Variants in NRXN3 observed in about 807,000 individuals in gnomAD.
NRXN3 encodes the protein neurexin III.
NRXN3 carries 32 observed loss-of-function variants against 137.6 expected under a neutral mutation model. That is an observed-to-expected ratio of 0.23 (90% confidence interval 0.18 to 0.31). The LOEUF (loss-of-function observed/expected upper bound fraction) is 0.31. Among genes scored for constraint, NRXN3 ranks in the 10% least tolerant of loss-of-function variants. The probability of loss-of-function intolerance (pLI) is 1.00; values close to 1 mark genes in which losing one functional copy is unlikely to be tolerated. For missense variants in NRXN3, 1,574 were observed against 2,062.5 expected (o/e 0.76, Z 4.59); for synonymous variants, 798 against 784.5 (o/e 1.02, Z -0.29).
At chr14:78,780,886 C>T (rs752130918) in intron 8 of NRXN3, among the ~76,000 whole-genome samples, 6 of 152,262 alleles carry the variant, frequency 3.9e-5, no homozygotes, top group South Asian at 2.1e-4. Context: ...CTTTGAAATA[C>T]AATTTAGCAT....
At chr14:78,879,821 A>AT (rs1567594300) in intron 10 of NRXN3, among the ~76,000 whole-genome samples, 1 of 151,964 alleles carries the variant, frequency 6.6e-6, no homozygotes, top group African/African-American at 2.4e-5. Context: ...CAGTATATCA[A>AT]TTTTTTTCCA....
intron 4 of NRXN3, among the ~76,000 whole-genome samples, chr14:78,638,137 A>G (rs2097582557): frequency 6.6e-6 from 1 of 152,190 alleles, no homozygotes; most frequent in Non-Finnish European, 1.5e-5. Context: ...ATCACTTTCA[A>G]GAAGCATCTG....
chr14:79,551,884 T>C (rs898438480), intron 16 of NRXN3, among the ~76,000 whole-genome samples: 1 of 152,172 alleles, frequency 6.6e-6, no homozygotes, highest in Non-Finnish European at 1.5e-5. Context: ...CAGAAGAAGC[T>C]ACAGTACCAA....
intron 15 of NRXN3, among the ~76,000 whole-genome samples, chr14:79,461,022 T>C (rs1012615412): frequency 6.6e-6 from 1 of 152,174 alleles, no homozygotes; most frequent in African/African-American, 2.4e-5. Flanking sequence ...CAATAAATAA[T>C]TTGCAGAGCT....
intron 15 of NRXN3, among the ~76,000 whole-genome samples, chr14:79,078,882 T>A (rs2046409894): frequency 1.3e-5 from 2 of 152,114 alleles, no homozygotes; most frequent in South Asian, 4.1e-4. Context: ...TATAAGCCCC[T>A]TCCAGCCCTA....
chr14:78,277,987 T>A (rs1026763420), intron 2 of NRXN3, among the ~76,000 whole-genome samples: 1 of 152,158 alleles, frequency 6.6e-6, no homozygotes, highest in Non-Finnish European at 1.5e-5. Context: ...GATTTCAATT[T>A]GTTTGATGAA....
At chr14:79,041,607 A>T (rs949996286) in intron 15 of NRXN3, among the ~76,000 whole-genome samples, 8 of 152,194 alleles carry the variant, frequency 5.3e-5, no homozygotes, top group African/African-American at 1.9e-4. Flanking sequence ...TTATTATAAA[A>T]ATACCTGAAT....
At chr14:78,591,637 T>G (rs1600971483) in intron 4 of NRXN3, among the ~76,000 whole-genome samples, 1 of 152,206 alleles carries the variant, frequency 6.6e-6, no homozygotes, top group East Asian at 1.9e-4. Flanking sequence ...ACCTTGTTCT[T>G]CCTTAGAGTA....
At chr14:79,690,463 C>G (rs1159128181) in intron 17 of NRXN3, among the ~76,000 whole-genome samples, 1 of 151,938 alleles carries the variant, frequency 6.6e-6, no homozygotes, top group Non-Finnish European at 1.5e-5. Context: ...TTAAATTATC[C>G]ACTGCAGTTC....
At chr14:78,279,733 G>T (rs2074135318) in intron 3 of NRXN3, 1 of 152,148 alleles carries the variant, frequency 6.6e-6, no homozygotes, top group Non-Finnish European at 1.5e-5. Context: ...AGTGATTAAA[G>T]ATTTTGTAAG....
At chr14:79,079,305 T>C (rs964017811) in intron 15 of NRXN3, among the ~76,000 whole-genome samples, 12 of 152,254 alleles carry the variant, frequency 7.9e-5, no homozygotes, top group African/African-American at 2.6e-4. Flanking sequence ...ATTAGAAAAC[T>C]GTCATAGTAA....
intron 4 of NRXN3, among the ~76,000 whole-genome samples, chr14:78,422,160 C>T (rs2093473393): frequency 6.6e-6 from 1 of 152,160 alleles, no homozygotes; most frequent in African/African-American, 2.4e-5. Context: ...GCACTTCTGC[C>T]TTTCTCCTGG....
intron 1 of NRXN3, among the ~76,000 whole-genome samples, chr14:78,223,419 T>A (rs1473468256): frequency 6.6e-6 from 1 of 152,196 alleles, no homozygotes; most frequent in East Asian, 1.9e-4. Flanking sequence ...CTGGATCAAT[T>A]CTTGTTGAAT....
chr14:78,788,961 C>A (rs56198006), intron 8 of NRXN3, among the ~76,000 whole-genome samples: 7,982 of 152,150 alleles, frequency 0.052, 746 homozygotes, highest in African/African-American at 0.18. Context: ...GGGAGGCTGA[C>A]CCATATGTGT....
At chr14:79,739,534 C>T (rs966256584) in intron 19 of NRXN3, among the ~76,000 whole-genome samples, 1 of 150,080 alleles carries the variant, frequency 6.7e-6, no homozygotes, top group African/African-American at 2.5e-5. Flanking sequence ...ACGCCAGCTA[C>T]TCAGGAGGCT....
At chr14:79,212,981 T>C (rs1401520033) in intron 15 of NRXN3, among the ~76,000 whole-genome samples, 1 of 152,166 alleles carries the variant, frequency 6.6e-6, no homozygotes, top group Non-Finnish European at 1.5e-5. Context: ...TAAACTTACC[T>C]TGGAGATTGG....
chr14:78,896,444 A>G (rs1206325208), intron 10 of NRXN3, among the ~76,000 whole-genome samples: 1 of 151,904 alleles, frequency 6.6e-6, no homozygotes, highest in African/African-American at 2.4e-5. Context: ...CAATAATTCA[A>G]GCACAGACAC....
intron 10 of NRXN3, among the ~76,000 whole-genome samples, chr14:78,896,637 T>A (rs1335208207): frequency 2.6e-5 from 4 of 151,796 alleles, no homozygotes; most frequent in Non-Finnish European, 4.4e-5. Flanking sequence ...ATAGGAGCTT[T>A]TATAGAGAGG....
chr14:78,742,617 A>G (rs1240025560), intron 8 of NRXN3, among the ~76,000 whole-genome samples: 1 of 152,174 alleles, frequency 6.6e-6, no homozygotes, highest in Non-Finnish European at 1.5e-5. Context: ...TCTGTCTGGG[A>G]TGGGAGAAAA....
Sources: allele counts gnomAD v4.1 joint callset (sites outside exome capture counted in the v4.1 genomes callset), GRCh38; gene constraint gnomAD v4.1.1; transcripts MANE v1.5; gene names NCBI Gene and HGNC (gene_info 2026-07-23, HGNC 2026-07-21).